Variants in WIPI2 observed in about 807,000 individuals in gnomAD.
The protein encoded by WIPI2 is WD repeat domain, phosphoinositide interacting 2.
Under a neutral mutation model 52.3 loss-of-function variants are expected in WIPI2, and 28 were observed. That is an observed-to-expected ratio of 0.54 (90% CI 0.40 to 0.73). The LOEUF is 0.73. Ranked by LOEUF, WIPI2 falls within the 30% of genes least tolerant of loss-of-function variation. The pLI, the probability that WIPI2 is intolerant of heterozygous loss-of-function variation, is 0.00. For missense variants in WIPI2, 506 were observed against 602.9 expected, an observed-to-expected ratio of 0.84 and a Z score of 1.68; for synonymous variants, 268 against 245.0, an observed-to-expected ratio of 1.09 and a Z score of -0.88.
At position 5,222,830 on chromosome 7, in the gene WIPI2, C is replaced by T. The variant is rs1228342491; in HGVS notation, c.740+158C>T. ...GGTAAGATCTGGGCGTCGGTCTTGT[C>T]ATGGGAATTGAAGAGCACTTTCAGA... is the stretch of plus-strand genomic sequence containing the variant. On this transcript the variant is annotated intron_variant, in intron 8 of 12. Coordinates refer to ENST00000288828, the MANE Select transcript of WIPI2 (RefSeq NM_015610.4). 4.3e-6 allele frequency: 3 copies of T among 692,070 alleles called. No individual in the cohort carries two copies. In the East Asian group the frequency reaches 8.2e-5, roughly 19 times the overall value. The allele number at this position is 692,070 out of a possible 1,614,324, so 42.9% of individuals were successfully genotyped here.
Position 5,232,409 on chromosome 7 carries a change from C to CA in WIPI2, c.*1463dup. 1 of 398,108 alleles carries CA rather than the reference C, an allele frequency of 2.5e-6. No homozygotes were observed. The highest frequency in any genetic ancestry group is 4.4e-6 in the Non-Finnish European group (1 of 226,068). The allele number at this position is 398,108 out of a possible 1,614,324, so 24.7% of individuals were successfully genotyped here. ...ATGCAGGGGACGCTGGAGTCCGACT[C>CA]ACCTACACCGGCTTCCTCCCAGCCG... On this transcript the variant is annotated 3_prime_UTR_variant, in exon 13 of 13. Transcript: ENST00000288828.
Position 5,226,011 on chromosome 7 carries a change from G to C in WIPI2, c.848+81G>C, listed in dbSNP as rs952197245. 9.6e-6 allele frequency: 13 copies of C among 1,357,938 alleles called. No homozygotes were observed. The Admixed American group carries it at 2.6e-4, about 27-fold the overall frequency. The allele number at this position is 1,357,938 out of a possible 1,614,324, so 84.1% of individuals were successfully genotyped here. A position where few individuals can be genotyped will look rare whatever the true frequency, so the allele number is the denominator to read the frequency against. The stretch of plus-strand genomic sequence containing the variant: ...TGCTGCCGGGATGAGAGGTAAGCAC[G>C]GACCCGCCCACCCTCTGACATCGTT... On this transcript the variant is annotated intron_variant, in intron 9 of 12. Transcript: ENST00000288828.
At chr7:5,211,530 GTT>G (rs2115262098) in intron 3 of WIPI2, among the ~76,000 whole-genome samples, 1 of 152,340 alleles carries the variant, frequency 6.6e-6, no homozygotes, top group Admixed American at 6.5e-5. Flanking sequence ...CACCGTGAGT[GTT>G]TATGCGGGGT....
intron 3 of WIPI2, among the ~76,000 whole-genome samples, chr7:5,206,352 G>GA (rs1782296083): frequency 2.0e-5 from 3 of 152,128 alleles, no homozygotes; most frequent in Admixed American, 2.0e-4. Flanking sequence ...CTTCAATAAA[G>GA]AAAAAATCAT....
Position 5,232,456 on chromosome 7 carries a change from A to G in WIPI2, c.*1509A>G, listed in dbSNP as rs1783771429. 1 of 397,482 alleles carries G rather than the reference A, an allele frequency of 2.5e-6. No individual in the cohort carries two copies. The highest frequency in any genetic ancestry group is 4.4e-6 in the Non-Finnish European group (1 of 225,940). The allele number at this position is 397,482 out of a possible 1,614,324, so 24.6% of individuals were successfully genotyped here. On this transcript the variant is annotated 3_prime_UTR_variant, in exon 13 of 13. Transcript: ENST00000288828. The stretch of plus-strand genomic sequence containing the variant: ...GCCGCTGGTGTGCGGCACACACAAC[A>G]TCTGCATTAGGCAGAGGTGCAAGTG...
At position 5,217,071 on chromosome 7, in the gene WIPI2, C is replaced by T. The variant is rs1782850523; in HGVS notation, c.479-19C>T. The T allele has an allele frequency of 6.3e-7, 1 of 1,597,964 alleles. No individual in the cohort carries two copies. Among genetic ancestry groups the T allele is most frequent in the Non-Finnish European group, 8.6e-7 (1 of 1,167,084 alleles). ...CTCAGGTGGAAGTTTGCATCTCGTC[C>T]TCCGTGTGTCATTTGCAGGCCTGTG... is the stretch of plus-strand genomic sequence containing the variant. On this transcript the variant is annotated intron_variant, in intron 5 of 12. Coordinates refer to ENST00000288828, the MANE Select transcript of WIPI2 (RefSeq NM_015610.4).
rs542213729 is a variant in WIPI2, at chr7:5,227,041, T to A, written c.849-139T>A. ...CCCTGGGGCCCTGAGTGTCTGCTTA[T>A]AACCAACCCTGTTTAATTTTCCTGT... is the stretch of plus-strand genomic sequence containing the variant. On this transcript the variant is annotated intron_variant, in intron 9 of 12. Transcript: ENST00000288828. The surrounding 1 kb of genome is among the most constrained non-coding windows in gnomAD (Gnocchi z 8.1). The A allele has an allele frequency of 2.4e-6, 3 of 1,247,320 alleles. No individual in the cohort carries two copies. The Admixed American group carries it at 6.5e-5, about 27-fold the overall frequency. 77.3% of individuals were successfully genotyped at this position (1,247,320 alleles called of 1,614,324 possible).
At chr7:5,225,703 A>G (rs1315317527) in intron 8 of WIPI2, 120 bp from the exon 9 acceptor site, 25 of 658,228 alleles carry the variant, frequency 3.8e-5, no homozygotes, top group Non-Finnish European at 5.8e-5. Context: ...CTAGAGGGGA[A>G]TAAAACTTAC....
intron 5 of WIPI2, 124 bp from the exon 6 acceptor site, chr7:5,216,966 A>G (rs1207163038): frequency 5.7e-6 from 6 of 1,051,148 alleles, no homozygotes; most frequent in Non-Finnish European, 8.3e-6. Context: ...ACAGCAAACA[A>G]GATTGTATCC....
At chr7:5,218,089 A>G in intron 7 of WIPI2, 75 bp downstream of exon 7, 2 of 1,488,044 alleles carry the variant, frequency 1.3e-6, no homozygotes, top group Non-Finnish European at 1.9e-6. Flanking sequence ...TCACACAGCC[A>G]CCTTAGAGGC....
At chr7:5,229,296 T>G (rs1583597579) in intron 11 of WIPI2, 1 of 235,292 alleles carries the variant, frequency 4.3e-6, no homozygotes, top group South Asian at 5.3e-5. Context: ...ATTACAGGCG[T>G]GAGCCACTGC....
intron 8 of WIPI2, among the ~76,000 whole-genome samples, chr7:5,225,318 T>G (rs1783373761): frequency 6.6e-6 from 1 of 152,050 alleles, no homozygotes; most frequent in Admixed American, 6.6e-5. Context: ...TTTTTGTAAT[T>G]TTAGTAGAGA....
chr7:5,229,257 C>T (rs137955426), intron 11 of WIPI2, among the ~76,000 whole-genome samples: 5,144 of 152,202 alleles, frequency 0.034, 124 homozygotes, highest in Non-Finnish European at 0.05. Flanking sequence ...CCTCGTGATC[C>T]GCCCGCCTCA....
At chr7:5,214,510 C>T (rs1211384571) in intron 3 of WIPI2, 25 bp from the exon 4 acceptor site, 2 of 1,614,196 alleles carry the variant, frequency 1.2e-6, no homozygotes, top group South Asian at 1.1e-5. Context: ...GATGTTCACG[C>T]ATGTACTTCC....
Position 5,230,730 on chromosome 7 carries a change from T to C in WIPI2, c.1253-105T>C. The stretch of plus-strand genomic sequence containing the variant: ...AGAACGTCTTAGTACAGGCTTCAGT[T>C]TATAAATATACACCAGTGTTTCCAA... On this transcript the variant is annotated intron_variant, in intron 12 of 12. Coordinates refer to ENST00000288828, the MANE Select transcript of WIPI2 (RefSeq NM_015610.4). The surrounding 1 kb of genome is among the most constrained non-coding windows in gnomAD (Gnocchi z 4.8). 1 of 742,654 alleles carries C rather than the reference T, an allele frequency of 1.3e-6. No individual in the cohort carries two copies. The highest frequency in any genetic ancestry group is 2.1e-6 in the Non-Finnish European group (1 of 474,368). 46.0% of individuals were successfully genotyped at this position (742,654 alleles called of 1,614,324 possible).
chr7:5,198,655 A>G (rs1309738158), intron 2 of WIPI2, among the ~76,000 whole-genome samples: 1 of 152,228 alleles, frequency 6.6e-6, no homozygotes, highest in Admixed American at 6.5e-5. Flanking sequence ...CTGTGTGTAC[A>G]CATCAGACCA....
chr7:5,219,078 G>C (rs1392881041), intron 7 of WIPI2: 1 of 152,162 alleles, frequency 6.6e-6, no homozygotes, highest in Non-Finnish European at 1.5e-5. Context: ...CCCGAGTTCT[G>C]TAATAATGAT....
At chr7:5,199,704 AGT>A (rs749122836) in intron 3 of WIPI2, 46 bp downstream of exon 3, 2 of 1,445,522 alleles carry the variant, frequency 1.4e-6, no homozygotes, top group South Asian at 2.5e-5. Context: ...AAAAAAAAAA[AGT>A]TGTACTTGAA....
chr7:5,228,586 C>T (rs755454980), intron 11 of WIPI2, among the ~76,000 whole-genome samples: 10 of 152,214 alleles, frequency 6.6e-5, no homozygotes, highest in Non-Finnish European at 1.3e-4. Context: ...CTCCACAATT[C>T]AGTGCACGTG....
Sources: allele counts gnomAD v4.1 joint callset (sites outside exome capture counted in the v4.1 genomes callset), GRCh38; gene constraint gnomAD v4.1.1; non-coding constraint Gnocchi (gnomAD v3.1); transcripts MANE v1.5; gene names NCBI Gene and HGNC (gene_info 2026-07-23, HGNC 2026-07-21).